The following ARHGEF17 variants were observed in gnomAD, a reference collection of about 807,000 sequenced individuals.
ARHGEF17 encodes the protein Rho guanine nucleotide exchange factor 17.
A neutral mutation model predicts 174.0 loss-of-function variants in ARHGEF17; 80 were observed. The ratio of observed to expected loss-of-function variants is 0.46; its 90% CI spans 0.38 to 0.55. The LOEUF (loss-of-function observed/expected upper bound fraction) is 0.55, where lower values mean the gene tolerates loss of function less well. Among genes scored for constraint, ARHGEF17 ranks in the 20% least tolerant of loss-of-function variants. ARHGEF17 has a pLI of 0.00. For synonymous variants in ARHGEF17, 1,311 were observed against 1,189.1 expected (o/e 1.10, Z -2.11); for missense variants, 2,886 against 2,839.7 (o/e 1.02, Z -0.37).
At chr11:73,331,501 C>G (rs1865202610) in intron 1 of ARHGEF17, among the ~76,000 whole-genome samples, 1 of 152,148 alleles carries the variant, frequency 6.6e-6, no homozygotes, top group South Asian at 2.1e-4. Context: ...CTGTCATTGC[C>G]ATGGCAACAG....
Position 73,362,205 on chromosome 11 carries a change from G to A in ARHGEF17, c.4660G>A (p.Gly1554Arg), listed in dbSNP as rs377048599. Reference sequence around the variant, plus strand: ...CTGTTCCGCCCGCATCCTCTGCATCGGGGCGGTGCCCGGGCTGCAGCCTCG... The same window carrying A: ...CTGTTCCGCCCGCATCCTCTGCATCAGGGCGGTGCCCGGGCTGCAGCCTCG... ...AVCSARILCI[G>R]AVPGLQPRCH... Residue 1554 changes from glycine to arginine, a missense_variant, in exon 13 of 21, where the codon GGG (glycine) becomes AGG (arginine). Gly to Arg is a moderately radical substitution (Grantham distance 125, BLOSUM62 -2). Transcript: ENST00000263674. 216 of 1,559,484 alleles carry A rather than the reference G, an allele frequency of 1.4e-4. No individual in the cohort carries two copies. Among genetic ancestry groups the A allele is most frequent in the South Asian group, 8.2e-4 (71 of 86,106 alleles).
Position 73,360,434 on chromosome 11 carries a change from A to C in ARHGEF17, c.4321A>C (p.Thr1441Pro), listed in dbSNP as rs1202353386. ...FPPTKLELCA[T>P]RPEGTDSYIF... The stretch of plus-strand genomic sequence containing the variant: ...GCCAACCAAGCTGGAGCTGTGCGCC[A>C]CTCGGCCCGAGGGCACCGACTCCTA... The change falls in exon 11 of 21, where the codon ACT becomes CCT. Residue 1441 changes from threonine to proline, a missense_variant. Physicochemically the swap from Thr to Pro is conservative, Grantham distance 38. Coordinates refer to ENST00000263674, the MANE Select transcript of ARHGEF17 (RefSeq NM_014786.4). 1 of 1,613,868 alleles carries C rather than the reference A, an allele frequency of 6.2e-7. No homozygotes were observed. Among genetic ancestry groups the C allele is most frequent in the Admixed American group, 1.7e-5 (1 of 60,012 alleles).
intron 12 of ARHGEF17, among the ~76,000 whole-genome samples, chr11:73,361,419 G>A (rs940534355): frequency 6.6e-6 from 1 of 152,204 alleles, no homozygotes; most frequent in African/African-American, 2.4e-5. Context: ...CTTCATTTAT[G>A]TGCTTGTATG....
intron 20 of ARHGEF17, among the ~76,000 whole-genome samples, chr11:73,367,266 G>C (rs916513189): frequency 6.6e-6 from 1 of 152,162 alleles, no homozygotes; most frequent in Non-Finnish European, 1.5e-5. Flanking sequence ...AGGACGTTGC[G>C]TGCAGTAATC....
At chr11:73,327,032 A>G (rs1865113235) in intron 1 of ARHGEF17, among the ~76,000 whole-genome samples, 1 of 152,158 alleles carries the variant, frequency 6.6e-6, no homozygotes. Flanking sequence ...GCAGGGGTAA[A>G]CTCTGTTGGG....
In ARHGEF17 at chr11:73,311,382, C is replaced by T. The variant is rs141908042; in HGVS notation, c.2744C>T (p.Pro915Leu). ...LDPKLADILS[P>L]RLIRRGSKKR... ...CCCAAGCTGGCTGACATTCTGTCCC[C>T]GAGGCTAATCCGCCGAGGCTCCAAG... Residue 915 changes from proline to leucine, a missense_variant, in exon 1 of 21, where the codon CCG becomes CTG. Pro to Leu is a moderately conservative substitution (Grantham distance 98). This residue lies in a region of ARHGEF17 where 1,728 missense variants were observed against 1,461.2 expected (regional missense o/e 1.18). Transcript: ENST00000263674. The T allele has an allele frequency of 2.5e-4, 405 of 1,613,278 alleles. 1 individual carries two copies. In the African/African-American group the frequency reaches 4.3e-3, roughly 17 times the overall value.
chr11:73,342,227 C>A (rs1171442301), intron 1 of ARHGEF17, among the ~76,000 whole-genome samples: 5 of 151,802 alleles, frequency 3.3e-5, no homozygotes, highest in Non-Finnish European at 5.9e-5. Context: ...GGCGGATGGA[C>A]AGGGACAGGA....
chr11:73,353,747 G>A (rs778108607), intron 3 of ARHGEF17, among the ~76,000 whole-genome samples: 3 of 152,192 alleles, frequency 2.0e-5, no homozygotes, highest in Admixed American at 1.3e-4. Context: ...CCACAATAGC[G>A]AGTGAGATCT....
chr11:73,356,387 C>T lies in ARHGEF17; in HGVS notation c.3840+36C>T, dbSNP rs746157508. The stretch of plus-strand genomic sequence containing the variant: ...CCTGCCCCACCCCACCCTACCCCAC[C>T]CCACCCACATCTGTGTCCACTCGGC... On this transcript the variant is annotated intron_variant, in intron 6 of 20. Coordinates refer to ENST00000263674, the MANE Select transcript of ARHGEF17 (RefSeq NM_014786.4). 1.5e-5 allele frequency: 23 copies of T among 1,552,414 alleles called. No homozygotes were observed. In the East Asian group the frequency reaches 5.4e-4, roughly 37 times the overall value.
chr11:73,308,990 C>G lies in ARHGEF17; in HGVS notation c.352C>G (p.Pro118Ala). The change falls in exon 1 of 21, where the codon CCA (proline) becomes GCA (alanine). Residue 118 changes from proline to alanine, a missense_variant. Physicochemically the swap from Pro to Ala is conservative, Grantham distance 27. This residue lies in a region of ARHGEF17 where 1,728 missense variants were observed against 1,461.2 expected (regional missense o/e 1.18). Coordinates refer to ENST00000263674, the MANE Select transcript of ARHGEF17 (RefSeq NM_014786.4). ...GGCCGCGGAAGAAGCGGCCGAGGGC[C>G]CAGCGCGAGGAGCCTGGCCCAGCGT... ...PAAAEEAAEG[P>A]ARGAWPSVTE... The G allele has an allele frequency of 1.4e-6, 2 of 1,382,154 alleles. No individual in the cohort carries two copies. The highest frequency in any genetic ancestry group is 1.6e-5 in the South Asian group (1 of 62,230). 85.6% of individuals were successfully genotyped at this position (1,382,154 alleles called of 1,614,324 possible).
intron 1 of ARHGEF17, among the ~76,000 whole-genome samples, chr11:73,314,669 G>A (rs1864899578): frequency 6.6e-6 from 1 of 152,170 alleles, no homozygotes; most frequent in Non-Finnish European, 1.5e-5. Context: ...GTAGCTCATG[G>A]GTCATTTATT....
Position 73,308,906 on chromosome 11 carries a change from G to C in ARHGEF17, c.268G>C (p.Asp90His). 2.2e-6 allele frequency: 3 copies of C among 1,361,658 alleles called. No individual in the cohort carries two copies. The South Asian group carries it at 5.3e-5, about 24-fold the overall frequency. The allele number at this position is 1,361,658 out of a possible 1,614,324, so 84.3% of individuals were successfully genotyped here. A position where few individuals can be genotyped will look rare whatever the true frequency, so the allele number is the denominator to read the frequency against. Reference sequence around the variant, plus strand: ...GGTTCGCCAGCTCTCCCGGCGCTTCGACGCGCCGCGTCTGGACGACGGCTC... The same window carrying C: ...GGTTCGCCAGCTCTCCCGGCGCTTCCACGCGCCGCGTCTGGACGACGGCTC... ...PSVRQLSRRF[D>H]APRLDDGSAG... The change falls in exon 1 of 21, where the codon GAC (aspartate) becomes CAC (histidine). Residue 90 changes from aspartate to histidine, a missense_variant. Physicochemically the swap from Asp to His is moderately conservative, Grantham distance 81. This residue lies in a region of ARHGEF17 where 1,728 missense variants were observed against 1,461.2 expected (regional missense o/e 1.18). Coordinates refer to ENST00000263674, the MANE Select transcript of ARHGEF17 (RefSeq NM_014786.4).
At position 73,350,363 on chromosome 11, in the gene ARHGEF17, T is replaced by C. The variant is rs188447869; in HGVS notation, c.3271-2467T>C. Among the ~76,000 whole-genome samples, 65 of 152,290 alleles carry C rather than the reference T, an allele frequency of 4.3e-4. No individual in the cohort carries two copies. The East Asian group carries it at 0.012, about 29-fold the overall frequency. The stretch of plus-strand genomic sequence containing the variant: ...ACTATAAACCCCATTTTGCAGATGA[T>C]GCAGCTGAGACACAGAGAAGTAAAG... On this transcript the variant is annotated intron_variant, in intron 2 of 20. Transcript: ENST00000263674.
At position 73,365,935 on chromosome 11, in the gene ARHGEF17, C is replaced by G. The variant is rs149279954; in HGVS notation, c.5983C>G (p.Pro1995Ala). ...FNLLCPTPPP[P>A]PDTGPEKLPS... ...CCTGCTCTGCCCAACCCCACCACCT[C>G]CCCCAGACACAGGTGGGTCAGTGCA... The change falls in exon 20 of 21, where the codon CCC becomes GCC. Residue 1995 changes from proline to alanine, a missense_variant. Coordinates refer to ENST00000263674, the MANE Select transcript of ARHGEF17 (RefSeq NM_014786.4). This position sits in a 1 kb window ranked among gnomAD's most constrained non-coding sequence, Gnocchi z 4.9. 3.7e-6 allele frequency: 6 copies of G among 1,602,234 alleles called. No homozygotes were observed. Among genetic ancestry groups the G allele is most frequent in the Non-Finnish European group, 5.1e-6 (6 of 1,178,760 alleles).
intron 15 of ARHGEF17, 109 bp from the exon 16 acceptor site, chr11:73,363,638 C>A: frequency 1.3e-6 from 2 of 1,508,302 alleles, no homozygotes; most frequent in Non-Finnish European, 1.8e-6. Flanking sequence ...GTACCTTGGG[C>A]AGGCACCCAG....
At position 73,308,863 on chromosome 11, in the gene ARHGEF17, C is replaced by G. The variant is rs912103489; in HGVS notation, c.225C>G (p.Leu75=). 39 of 1,353,518 alleles carry G rather than the reference C, an allele frequency of 2.9e-5. No homozygotes were observed. The highest frequency in any genetic ancestry group is 3.7e-5 in the South Asian group (2 of 54,272). The allele number at this position is 1,353,518 out of a possible 1,614,324, so 83.8% of individuals were successfully genotyped here. The change falls in exon 1 of 21, where the codon CTC becomes CTG. Residue 75 remains leucine, a synonymous_variant. Transcript: ENST00000263674. The part of the protein sequence containing the change: ...PLAAPAQPRP[L]RSLSPSVRQL... ...CCGCCCCCGCGCAGCCGCGCCCGCT[C>G]CGCAGCCTCTCGCCGTCGGTTCGCC... is the stretch of plus-strand genomic sequence containing the variant.
At position 73,311,455 on chromosome 11, in the gene ARHGEF17, C is replaced by T. The variant is rs61758708; in HGVS notation, c.2817C>T (p.Gly939=). Residue 939 remains glycine (G), a synonymous_variant, in exon 1 of 21, where the codon GGC becomes GGT. Coordinates refer to ENST00000263674, the MANE Select transcript of ARHGEF17 (RefSeq NM_014786.4). The part of the protein sequence containing the change: ...SSHQELRRDE[G]SQDQTGSLSR... Reference sequence around the variant, plus strand: ...ACCAGGAGCTTCGGAGAGACGAGGGCAGTCAGGACCAGACTGGCAGCCTGT... The same window carrying T: ...ACCAGGAGCTTCGGAGAGACGAGGGTAGTCAGGACCAGACTGGCAGCCTGT... 6.7e-4 allele frequency: 1,075 copies of T among 1,613,352 alleles called. 1 individual carries two copies. Among genetic ancestry groups the T allele is most frequent in the Non-Finnish European group, 8.4e-4 (987 of 1,180,032 alleles).
intron 2 of ARHGEF17, among the ~76,000 whole-genome samples, chr11:73,349,474 G>A (rs1305104168): frequency 1.3e-5 from 2 of 152,150 alleles, no homozygotes; most frequent in Admixed American, 1.3e-4. Flanking sequence ...AATCAGCTGG[G>A]TGTGGTGGCA....
At chr11:73,358,426 A>G (rs1242195932) in intron 9 of ARHGEF17, among the ~76,000 whole-genome samples, 2 of 144,942 alleles carry the variant, frequency 1.4e-5, no homozygotes, top group African/African-American at 2.6e-5. Flanking sequence ...CCCCCTCATG[A>G]CCAGGTCACC....
Sources: gnomAD v4.1 joint callset for allele counts (sites outside exome capture counted in the v4.1 genomes callset) on GRCh38, gnomAD v4.1.1 for gene constraint, gnomAD v4.1.1 regional missense constraint, Gnocchi (gnomAD v3.1) non-coding constraint, MANE v1.5 for transcripts, NCBI Gene and HGNC (gene_info 2026-07-23, HGNC 2026-07-21) for gene names.